STAB2: variants seen among roughly 807,000 people sequenced by gnomAD.
The protein encoded by STAB2 is stabilin 2.
In STAB2, 288 loss-of-function variants were observed where a neutral mutation model predicts 338.1. That is an observed-to-expected ratio of 0.85 (90% confidence interval 0.77 to 0.94). STAB2 has a LOEUF of 0.94. Among genes scored for constraint, STAB2 ranks in the 40% least tolerant of loss-of-function variants. The pLI, the probability that STAB2 is intolerant of heterozygous loss-of-function variation, is 0.00. For synonymous variants in STAB2, 1,202 were observed against 1,193.3 expected (o/e 1.01, Z -0.15); for missense variants, 3,141 against 3,210.1 (o/e 0.98, Z 0.52).
At position 103,763,663 on chromosome 12, in the gene STAB2, G is replaced by A. The variant is rs991385406; in HGVS notation, c.7605+55G>A. Reference sequence around the variant, plus strand: ...TTCCCTTGGGGTACAGGGGAATGATGTCTTTTAGGAAATTTCAGTGGAGAT... The same window carrying A: ...TTCCCTTGGGGTACAGGGGAATGATATCTTTTAGGAAATTTCAGTGGAGAT... On this transcript the variant is annotated intron_variant, in intron 68 of 68. Transcript: ENST00000388887. 5 of 1,465,708 alleles carry A rather than the reference G, an allele frequency of 3.4e-6. No homozygotes were observed. In the Admixed American group the frequency reaches 7.2e-5, roughly 21 times the overall value. 90.8% of individuals were successfully genotyped at this position (1,465,708 alleles called of 1,614,324 possible).
intron 30 of STAB2, among the ~76,000 whole-genome samples, chr12:103,692,356 G>A (rs1353047516): frequency 3.3e-5 from 5 of 151,722 alleles, no homozygotes; most frequent in Non-Finnish European, 7.4e-5. Context: ...ATCATCTGAG[G>A]TACTAGGGGT....
intron 35 of STAB2, 111 bp from the exon 36 acceptor site, chr12:103,704,447 A>G (rs1879164484): frequency 9.8e-7 from 1 of 1,016,062 alleles, no homozygotes; most frequent in South Asian, 1.6e-5. Context: ...GAGGCTGCCC[A>G]GATAATCTGC....
chr12:103,621,655 G>A lies in STAB2; in HGVS notation c.418-387G>A, dbSNP rs143045915. Reference sequence around the variant, plus strand: ...GCTGAAGCAGGAGAACCTGGGAGGCGGAGGTTTCAGTGAGCCGAGATCGTG... The same window carrying A: ...GCTGAAGCAGGAGAACCTGGGAGGCAGAGGTTTCAGTGAGCCGAGATCGTG... On this transcript the variant is annotated intron_variant, in intron 4 of 68. Transcript: ENST00000388887. Among the ~76,000 whole-genome samples, 693 of 152,268 alleles carry A rather than the reference G, an allele frequency of 4.6e-3. 8 individuals carry two copies. The highest frequency in any genetic ancestry group is 0.016 in the African/African-American group (653 of 41,556).
At chr12:103,743,023 CTTTTT>C (rs34478982) in intron 56 of STAB2, among the ~76,000 whole-genome samples, 3 of 134,746 alleles carry the variant, frequency 2.2e-5, no homozygotes, top group African/African-American at 8.4e-5. Flanking sequence ...ATTTTTTTTT[CTTTTT>C]TTTTTTTTTT....
intron 33 of STAB2, among the ~76,000 whole-genome samples, chr12:103,697,125 A>G (rs1878476712): frequency 6.6e-6 from 1 of 152,156 alleles, no homozygotes; most frequent in Non-Finnish European, 1.5e-5. Context: ...CTCCTCAGGG[A>G]AGCTGGCCCT....
At chr12:103,742,677 A>G (rs1319794205) in intron 56 of STAB2, 123 bp downstream of exon 56, 1 of 1,453,548 alleles carries the variant, frequency 6.9e-7, no homozygotes, top group East Asian at 2.3e-5. Context: ...ACACCCCTCC[A>G]ATCTGCCTGC....
chr12:103,599,285 C>T (rs570785698), intron 3 of STAB2, among the ~76,000 whole-genome samples: 1 of 152,296 alleles, frequency 6.6e-6, no homozygotes, highest in African/African-American at 2.4e-5. Context: ...AGCTGATTTG[C>T]TGACAGCTTA....
intron 3 of STAB2, among the ~76,000 whole-genome samples, chr12:103,608,149 A>G (rs1957062593): frequency 6.6e-6 from 1 of 152,062 alleles, no homozygotes; most frequent in Non-Finnish European, 1.5e-5. Context: ...GATGATGAGC[A>G]GTGATGATGA....
intron 68 of STAB2, among the ~76,000 whole-genome samples, chr12:103,764,303 CT>C (rs1204214190): frequency 1.1e-4 from 16 of 152,250 alleles, no homozygotes; most frequent in Admixed American, 3.3e-4. Context: ...CAAGATTTTA[CT>C]GCTTGTTGTC....
chr12:103,611,132 T>C (rs949868884), intron 3 of STAB2, among the ~76,000 whole-genome samples: 1 of 152,220 alleles, frequency 6.6e-6, no homozygotes, highest in African/African-American at 2.4e-5. Flanking sequence ...TTGGAATAAG[T>C]GCGGTGTGGT....
At chr12:103,643,845 C>T (rs1481482238) in intron 9 of STAB2, among the ~76,000 whole-genome samples, 1 of 150,564 alleles carries the variant, frequency 6.6e-6, no homozygotes, top group Non-Finnish European at 1.5e-5. Flanking sequence ...GGTCAGCCCC[C>T]CACCCGGCCA....
chr12:103,651,123 C>T (rs928377978), intron 11 of STAB2, among the ~76,000 whole-genome samples: 6 of 152,080 alleles, frequency 3.9e-5, no homozygotes, highest in African/African-American at 7.2e-5. Flanking sequence ...CTGGTGGAGG[C>T]GTCCTATCGA....
At chr12:103,722,797 G>C (rs1375954731) in intron 44 of STAB2, among the ~76,000 whole-genome samples, 1 of 152,130 alleles carries the variant, frequency 6.6e-6, no homozygotes, top group Non-Finnish European at 1.5e-5. Context: ...TGGGGAGTAT[G>C]ATCTGATAGA....
chr12:103,594,365 T>A, intron 2 of STAB2, 30 bp from the exon 3 acceptor site: 2 of 1,548,710 alleles, frequency 1.3e-6, no homozygotes, highest in Non-Finnish European at 1.8e-6. Context: ...GCTCTTATCG[T>A]GGGTTAATGT....
At chr12:103,744,927 G>A (rs1882898320) in intron 56 of STAB2, among the ~76,000 whole-genome samples, 1 of 152,180 alleles carries the variant, frequency 6.6e-6, no homozygotes, top group Non-Finnish European at 1.5e-5. Context: ...CTCTGAGACT[G>A]TAAGCCCCAT....
At chr12:103,629,655 C>T (rs753294793) in intron 5 of STAB2, among the ~76,000 whole-genome samples, 4 of 152,198 alleles carry the variant, frequency 2.6e-5, no homozygotes, top group Admixed American at 1.3e-4. Context: ...GAGGTGTGAA[C>T]GTGCAAGATG....
rs777860935 is a variant in STAB2, at chr12:103,652,693, C to A, written c.1395C>A (p.Phe465Leu). 2.5e-6 allele frequency: 4 copies of A among 1,600,394 alleles called. No homozygotes were observed. Among genetic ancestry groups the A allele is most frequent in the Non-Finnish European group, 3.4e-6 (4 of 1,174,414 alleles). ...YTLTGKSGEIFNSDKDNQIKL... is the reference protein window; with the variant it reads ...YTLTGKSGEILNSDKDNQIKL... ...TGACTGGAAAGTCGGGGGAAATCTT[C>A]AACAGCGATAAGGTAAGGGTTCCTC... The change falls in exon 12 of 69, where the codon TTC (phenylalanine) becomes TTA (leucine). Residue 465 changes from phenylalanine (F) to leucine (L), a missense_variant. Physicochemically the swap from Phe to Leu is conservative, Grantham distance 22 (BLOSUM62 0). Coordinates refer to ENST00000388887, the MANE Select transcript of STAB2 (RefSeq NM_017564.10).
At chr12:103,613,654 C>T (rs1957164240) in intron 3 of STAB2, among the ~76,000 whole-genome samples, 1 of 152,152 alleles carries the variant, frequency 6.6e-6, no homozygotes, top group African/African-American at 2.4e-5. Context: ...CAATGCCTCG[C>T]CCTGCTTCAG....
chr12:103,706,770 A>C lies in STAB2; in HGVS notation c.3997-22A>C, dbSNP rs551311658. ...CACCAGAGGATAGAAGTGCGTTGTC[A>C]AGCTTTGTCCTTCTGTTTCAGACGA... On this transcript the variant is annotated intron_variant, in intron 37 of 68. Coordinates refer to ENST00000388887, the MANE Select transcript of STAB2 (RefSeq NM_017564.10). 58 of 1,614,082 alleles carry C rather than the reference A, an allele frequency of 3.6e-5. 2 individuals are homozygous for C. The South Asian group carries it at 6.3e-4, about 17-fold the overall frequency.
Sources: allele counts gnomAD v4.1 joint callset (sites outside exome capture counted in the v4.1 genomes callset), GRCh38; gene constraint gnomAD v4.1.1; transcripts MANE v1.5; gene names NCBI Gene and HGNC (gene_info 2026-07-23, HGNC 2026-07-21).